The following USH2A variants were observed in gnomAD, a reference collection of about 807,000 sequenced individuals.
USH2A encodes the protein Usher syndrome 2A (autosomal recessive, mild).
USH2A carries 443 observed loss-of-function variants against 538.9 expected under a neutral mutation model. The observed-to-expected ratio is 0.82, with a 90% CI of 0.76 to 0.89. USH2A has a LOEUF of 0.89. USH2A is among the 40% of genes least tolerant of loss of function. The probability of loss-of-function intolerance (pLI) is 0.00; values close to 1 mark genes in which losing one functional copy is unlikely to be tolerated. For synonymous variants in USH2A, 2,413 were observed against 2,273.5 expected, an observed-to-expected ratio of 1.06 and a Z score of -1.75; for missense variants, 6,633 against 6,324.8, an observed-to-expected ratio of 1.05 and a Z score of -1.65.
chr1:215,758,550 T>C, intron 58 of USH2A, 45 bp downstream of exon 58: 1 of 1,589,092 alleles, frequency 6.3e-7, no homozygotes, highest in East Asian at 2.2e-5. Context: ...TTAATTCCTT[T>C]AAAATGTTTA....
At chr1:215,653,991 T>C (rs1657162357) in intron 64 of USH2A, among the ~76,000 whole-genome samples, 1 of 152,318 alleles carries the variant, frequency 6.6e-6, no homozygotes, top group South Asian at 2.1e-4. Flanking sequence ...AACAGTTGTG[T>C]ATTTTCTCTT....
At chr1:216,367,698 A>G (rs906055019) in intron 3 of USH2A, among the ~76,000 whole-genome samples, 1 of 152,128 alleles carries the variant, frequency 6.6e-6, no homozygotes, top group African/African-American at 2.4e-5. Context: ...ACCTTTCCAT[A>G]CATAAGATTA....
intron 61 of USH2A, among the ~76,000 whole-genome samples, chr1:215,687,030 A>G (rs780112909): frequency 1.2e-4 from 18 of 152,048 alleles, no homozygotes; most frequent in Admixed American, 8.5e-4. Flanking sequence ...TACTGGGGAC[A>G]TGTTTGAGTG....
At chr1:216,333,672 T>C (rs1038691021) in intron 4 of USH2A, among the ~76,000 whole-genome samples, 4 of 151,922 alleles carry the variant, frequency 2.6e-5, no homozygotes, top group Non-Finnish European at 2.9e-5. Flanking sequence ...AAAATCAAAC[T>C]GTTGAAAGAC....
At position 215,831,572 on chromosome 1, in the gene USH2A, A is replaced by T. The variant is rs138510799; in HGVS notation, c.9371+6419T>A. ...TAGAAACTTATCTGAAAAATCCCCA[A>T]ATACTTGGAAATTAAACAATACCCT... On this transcript the variant is annotated intron_variant, in intron 47 of 71. Transcript: ENST00000307340. Among the ~76,000 whole-genome samples the T allele has an allele frequency of 3.0e-3, 457 of 152,272 alleles. 5 individuals carry two copies. Among genetic ancestry groups the T allele is most frequent in the Admixed American group, 0.02 (306 of 15,284 alleles).
chr1:216,030,762 C>T (rs542847579), intron 32 of USH2A, among the ~76,000 whole-genome samples: 2 of 151,152 alleles, frequency 1.3e-5, no homozygotes, highest in East Asian at 1.9e-4. Context: ...TTTCCAGTTT[C>T]ATGAATGAGT....
intron 44 of USH2A, among the ~76,000 whole-genome samples, chr1:215,853,843 T>C (rs1664086063): frequency 6.6e-6 from 1 of 152,160 alleles, no homozygotes; most frequent in Non-Finnish European, 1.5e-5. Flanking sequence ...TCAGACTGGA[T>C]TTCATTGTCC....
intron 21 of USH2A, among the ~76,000 whole-genome samples, chr1:216,168,693 C>G (rs2034218018): frequency 6.6e-6 from 1 of 152,064 alleles, no homozygotes; most frequent in Non-Finnish European, 1.5e-5. Flanking sequence ...CCGAACCTCC[C>G]CAAATTGCTC....
At chr1:215,684,319 T>C (rs561362532) in intron 61 of USH2A, among the ~76,000 whole-genome samples, 2 of 152,326 alleles carry the variant, frequency 1.3e-5, no homozygotes, top group South Asian at 2.1e-4. Flanking sequence ...CTGATTATTT[T>C]TGATGACTTG....
intron 21 of USH2A, among the ~76,000 whole-genome samples, chr1:216,103,355 T>C (rs1032920218): frequency 6.6e-6 from 1 of 152,230 alleles, no homozygotes; most frequent in African/African-American, 2.4e-5. Flanking sequence ...CAAATGTGTC[T>C]CTCTTGAACT....
At chr1:216,387,955 C>T (rs2039033891) in intron 3 of USH2A, among the ~76,000 whole-genome samples, 1 of 152,114 alleles carries the variant, frequency 6.6e-6, no homozygotes, top group South Asian at 2.1e-4. Flanking sequence ...GACCTTCTAA[C>T]CCTCTCTTTT....
At chr1:216,346,525 C>A (rs568615963) in intron 4 of USH2A, among the ~76,000 whole-genome samples, 48 of 152,144 alleles carry the variant, frequency 3.2e-4, no homozygotes, top group African/African-American at 1.1e-3. Context: ...TTGAGAATGG[C>A]TAATGGCAGT....
chr1:216,357,694 T>C (rs374836472), intron 4 of USH2A, among the ~76,000 whole-genome samples: 52 of 152,304 alleles, frequency 3.4e-4, no homozygotes, highest in African/African-American at 1.1e-3. Context: ...ATGTAGAAAT[T>C]CTCACCTTTA....
chr1:216,383,233 T>C (rs1011579052), intron 3 of USH2A, among the ~76,000 whole-genome samples: 1 of 152,116 alleles, frequency 6.6e-6, no homozygotes, highest in African/African-American at 2.4e-5. Flanking sequence ...TCCATCATCA[T>C]CCAGACATTG....
intron 43 of USH2A, among the ~76,000 whole-genome samples, chr1:215,874,474 C>T (rs1664708180): frequency 6.6e-6 from 1 of 152,070 alleles, no homozygotes; most frequent in Non-Finnish European, 1.5e-5. Context: ...CTGTTTTGTA[C>T]ATGTAGATAT....
chr1:215,918,652 C>A, intron 38 of USH2A, among the ~76,000 whole-genome samples: 1 of 152,080 alleles, frequency 6.6e-6, no homozygotes, highest in East Asian at 1.9e-4. Flanking sequence ...TTCACATTAT[C>A]TATTAGTAAG....
chr1:215,844,989 G>A (rs1040613836), intron 45 of USH2A, among the ~76,000 whole-genome samples: 3 of 152,244 alleles, frequency 2.0e-5, no homozygotes, highest in Middle Eastern at 3.4e-3. Flanking sequence ...TTGTCATTAT[G>A]TAAATGATTT....
At chr1:215,912,514 T>TATATATATATATAC (rs1331146980) in intron 38 of USH2A, among the ~76,000 whole-genome samples, 2 of 20,562 alleles carry the variant, frequency 9.7e-5, no homozygotes, top group South Asian at 2.9e-3. Flanking sequence ...TATATATACG[T>TATATATATATATAC]GTATATATAT....
intron 14 of USH2A, among the ~76,000 whole-genome samples, chr1:216,229,244 A>G (rs1330155903): frequency 1.3e-5 from 2 of 151,014 alleles, no homozygotes; most frequent in Admixed American, 6.6e-5. Context: ...CTCATACTTT[A>G]GCTCTATTTT....
Sources: gnomAD v4.1 joint callset for allele counts (sites outside exome capture counted in the v4.1 genomes callset) on GRCh38, gnomAD v4.1.1 for gene constraint, MANE v1.5 for transcripts, NCBI Gene and HGNC (gene_info 2026-07-23, HGNC 2026-07-21) for gene names.